PALD1: variants seen among roughly 807,000 people sequenced by gnomAD.
PALD1 encodes phosphatase domain containing paladin 1, also known as paladin.
A neutral mutation model predicts 96.0 loss-of-function variants in PALD1; 57 were observed. The ratio of observed to expected loss-of-function variants is 0.59; its 90% CI spans 0.48 to 0.74. PALD1 has a LOEUF of 0.74. Ranked by LOEUF, PALD1 falls within the 30% of genes least tolerant of loss-of-function variation. The pLI is 0.00. For synonymous variants in PALD1, 464 were observed against 473.6 expected (o/e 0.98, Z 0.26); for missense variants, 1,063 against 1,143.7 (o/e 0.93, Z 1.02).
At chr10:70,478,099 G>A (rs1056296611), upstream of PALD1, among the ~76,000 whole-genome samples, 3 of 152,050 alleles carry the variant, frequency 2.0e-5, no homozygotes, top group Admixed American at 2.0e-4. Flanking sequence ...TGATGGGTGG[G>A]GGCGGAGGGA....
At chr10:70,485,164 A>T (rs1235312755) in intron 1 of PALD1, among the ~76,000 whole-genome samples, 1 of 83,048 alleles carries the variant, frequency 1.2e-5, no homozygotes, top group Non-Finnish European at 2.4e-5. Flanking sequence ...TCTTATTATT[A>T]AAGTTAAATT....
intron 18 of PALD1, among the ~76,000 whole-genome samples, chr10:70,552,388 C>T (rs1360243246): frequency 3.9e-5 from 6 of 152,084 alleles, no homozygotes; most frequent in East Asian, 1.9e-4. Context: ...GTGGCTTTTC[C>T]GTTGTGTGGA....
chr10:70,566,956 C>T lies in PALD1; in HGVS notation c.*223C>T. On this transcript the variant is annotated 3_prime_UTR_variant, in exon 20 of 20. Transcript: ENST00000263563. ...CAAACCACCAAGGTGTGTGGCTGAC[C>T]TCCAGGGAGGAGCACTCACTGGAGT... 1 of 538,936 alleles carries T rather than the reference C, an allele frequency of 1.9e-6. No individual in the cohort carries two copies. The highest frequency in any genetic ancestry group is 3.3e-6 in the Non-Finnish European group (1 of 305,814). The allele number at this position is 538,936 out of a possible 1,614,324, so 33.4% of individuals were successfully genotyped here.
chr10:70,512,896 G>A (rs1255530172), intron 1 of PALD1, among the ~76,000 whole-genome samples: 1 of 152,132 alleles, frequency 6.6e-6, no homozygotes, highest in Non-Finnish European at 1.5e-5. Flanking sequence ...AATTCATCAA[G>A]AGAAGCCGGA....
At chr10:70,468,683 C>G in the PALD1 span, among the ~76,000 whole-genome samples, 8 of 149,596 alleles carry the variant, frequency 5.3e-5, no homozygotes, top group African/African-American at 2.0e-4. Flanking sequence ...GCAGCCTCAC[C>G]CTAGCCCATG....
At chr10:70,514,571 G>A (rs999940221) in intron 1 of PALD1, among the ~76,000 whole-genome samples, 3 of 152,022 alleles carry the variant, frequency 2.0e-5, no homozygotes, top group Admixed American at 1.3e-4. Flanking sequence ...TGAAGGAGTC[G>A]GGGCCAGGAG....
chr10:70,507,245 TAC>T (rs1196258177), intron 1 of PALD1, among the ~76,000 whole-genome samples: 11 of 87,152 alleles, frequency 1.3e-4, no homozygotes, highest in African/African-American at 3.6e-4. Flanking sequence ...CTACTAAAAA[TAC>T]AAAAAAAAAA....
In PALD1 at chr10:70,534,087, G is replaced by T; in HGVS notation, c.1022+14G>T. On this transcript the variant is annotated intron_variant, in intron 8 of 19. Coordinates refer to ENST00000263563, the MANE Select transcript of PALD1 (RefSeq NM_014431.3). ...CTCCCAGCCAGAGTGAGTGGCCCGG[G>T]GCCCAGCGTCCTGAAGGGCTGTGGG... 2.5e-6 allele frequency: 4 copies of T among 1,581,656 alleles called. No homozygotes were observed. The highest frequency in any genetic ancestry group is 3.4e-6 in the Non-Finnish European group (4 of 1,161,062).
chr10:70,504,550 T>G (rs962850752), intron 1 of PALD1, among the ~76,000 whole-genome samples: 1 of 152,200 alleles, frequency 6.6e-6, no homozygotes, highest in African/African-American at 2.4e-5. Context: ...AAACACGTAT[T>G]TATAAATTCA....
chr10:70,507,168 G>A (rs934825044), intron 1 of PALD1, among the ~76,000 whole-genome samples: 1 of 151,816 alleles, frequency 6.6e-6, no homozygotes, highest in East Asian at 1.9e-4. Flanking sequence ...TTGGGAGGTC[G>A]AGGTAGATGG....
chr10:70,491,648 C>G (rs893125229), intron 1 of PALD1, among the ~76,000 whole-genome samples: 3 of 152,160 alleles, frequency 2.0e-5, no homozygotes, highest in African/African-American at 7.2e-5. Context: ...AGTGACAGTA[C>G]ATTTGCAATG....
In PALD1 at chr10:70,502,435, A is replaced by G. The variant is rs112592921; in HGVS notation, c.-30+23376A>G. On this transcript the variant is annotated intron_variant, in intron 1 of 19. Transcript: ENST00000263563. ...TAATATCAACAGAACTGTACTGGAT[A>G]CCTTTGTGGCCCTGTCTTTCCCTGT... is the stretch of plus-strand genomic sequence containing the variant. Among the ~76,000 whole-genome samples, 1,351 of 151,954 alleles carry G rather than the reference A, an allele frequency of 8.9e-3. 19 individuals are homozygous for G. Among genetic ancestry groups the G allele is most frequent in the African/African-American group, 0.031 (1,304 of 41,436 alleles).
rs2275060 is a variant in PALD1 at position 70,530,022 on chromosome 10, C to T, written c.422C>T (p.Ser141Leu). ...TTCGGCATGGGACAGCCCAGCCTCTCAGGGTTCAGGCGGGTCCTCCAGAAA... is the reference window on the plus strand; with the variant it reads ...TTCGGCATGGGACAGCCCAGCCTCTTAGGGTTCAGGCGGGTCCTCCAGAAA... ...TVFGMGQPSL[S>L]GFRRVLQKLQ... The change falls in exon 4 of 20, where the codon TCA (serine) becomes TTA (leucine). Residue 141 changes from serine to leucine, a missense_variant. Coordinates refer to ENST00000263563, the MANE Select transcript of PALD1 (RefSeq NM_014431.3). The T allele has an allele frequency of 0.19, 302,123 of 1,577,246 alleles. 31,620 individuals are homozygous for T. The highest frequency in any genetic ancestry group is 0.26 in the East Asian group (11,184 of 42,232).
At chr10:70,552,507 A>G (rs1847502573) in intron 18 of PALD1, among the ~76,000 whole-genome samples, 1 of 152,240 alleles carries the variant, frequency 6.6e-6, no homozygotes, top group Admixed American at 6.5e-5. Context: ...ATTTCAAAGC[A>G]GAGAGCATAA....
chr10:70,564,514 C>T lies in PALD1; in HGVS notation c.2413C>T (p.Gln805Ter), dbSNP rs1564714841. Residue 805 changes from glutamine (Q) to a stop codon, truncating the protein, a stop_gained, in exon 19 of 20, where the codon CAG becomes TAG. Coordinates refer to ENST00000263563, the MANE Select transcript of PALD1 (RefSeq NM_014431.3). LOFTEE classifies it high-confidence loss of function. ...SWQRPFSTWM[Q>*]EVASKAGIYE... ...GCAGAGGCCCTTCAGCACCTGGATG[C>T]AGGAGGTGAGGGGAGGCTGAGGCCG... The T allele has an allele frequency of 1.2e-6, 2 of 1,613,440 alleles. No individual in the cohort carries two copies. The highest frequency in any genetic ancestry group is 1.7e-6 in the Non-Finnish European group (2 of 1,179,766).
At chr10:70,532,390 T>C (rs1358639684) in intron 5 of PALD1, among the ~76,000 whole-genome samples, 3 of 152,234 alleles carry the variant, frequency 2.0e-5, no homozygotes, top group Non-Finnish European at 4.4e-5. Flanking sequence ...TGTGAATTCC[T>C]GCACCCACTG....
chr10:70,491,112 A>G (rs1846090249), intron 1 of PALD1, among the ~76,000 whole-genome samples: 1 of 152,010 alleles, frequency 6.6e-6, no homozygotes, highest in South Asian at 2.1e-4. Flanking sequence ...CGCCTGGCTA[A>G]TTTTTTGTAT....
chr10:70,538,521 AG>A, intron 12 of PALD1, 113 bp downstream of exon 12: 1 of 1,136,466 alleles, frequency 8.8e-7, no homozygotes, highest in Non-Finnish European at 1.2e-6. Context: ...GAGGTGAAGA[AG>A]AGAGGCTGTG....
chr10:70,498,301 G>T (rs532666692), intron 1 of PALD1, among the ~76,000 whole-genome samples: 4 of 152,028 alleles, frequency 2.6e-5, no homozygotes, highest in African/African-American at 9.6e-5. Flanking sequence ...TTAGAGATGG[G>T]GTCTTGCTCT....
Sources: gnomAD v4.1 joint callset for allele counts (sites outside exome capture counted in the v4.1 genomes callset) on GRCh38, gnomAD v4.1.1 for gene constraint, MANE v1.5 for transcripts, NCBI Gene and HGNC (gene_info 2026-07-23, HGNC 2026-07-21) for gene names.